Variants in AMPH observed in about 807,000 individuals in gnomAD.
The protein encoded by AMPH is amphiphysin, also known as amphiphysin (Stiff-Mann syndrome with breast cancer 128kD autoantigen).
A neutral mutation model predicts 99.1 loss-of-function variants in AMPH; 49 were observed. That is an observed-to-expected ratio of 0.49 (90% CI 0.39 to 0.63). The LOEUF is 0.63. Ranked by LOEUF, AMPH falls within the 20% of genes least tolerant of loss-of-function variation. The pLI, the probability that AMPH is intolerant of heterozygous loss-of-function variation, is 0.00. For synonymous variants in AMPH, 314 were observed against 317.3 expected, an observed-to-expected ratio of 0.99 and a Z score of 0.11; for missense variants, 759 against 863.4, an observed-to-expected ratio of 0.88 and a Z score of 1.52.
chr7:38,470,448 G>A (rs1030180310), intron 7 of AMPH, among the ~76,000 whole-genome samples: 2 of 151,932 alleles, frequency 1.3e-5, no homozygotes, highest in Non-Finnish European at 2.9e-5. Flanking sequence ...TACCTCTATT[G>A]TAAATGATAG....
intron 1 of AMPH, among the ~76,000 whole-genome samples, chr7:38,622,646 G>A (rs1794112996): frequency 6.6e-6 from 1 of 152,146 alleles, no homozygotes; most frequent in Admixed American, 6.6e-5. Flanking sequence ...AGAGTGGAAT[G>A]AAATAGATAA....
chr7:38,464,413 T>C (rs1312698966), intron 9 of AMPH, among the ~76,000 whole-genome samples: 1 of 152,196 alleles, frequency 6.6e-6, no homozygotes, highest in Non-Finnish European at 1.5e-5. Flanking sequence ...AGAGAAGATA[T>C]ACTACTGCTT....
At chr7:38,604,163 G>A (rs1384982700) in intron 1 of AMPH, among the ~76,000 whole-genome samples, 1 of 152,136 alleles carries the variant, frequency 6.6e-6, no homozygotes, top group East Asian at 1.9e-4. Context: ...GAAGATGAGT[G>A]GTCCTCATTC....
At chr7:38,455,456 G>T (rs897067411) in intron 11 of AMPH, among the ~76,000 whole-genome samples, 13 of 152,166 alleles carry the variant, frequency 8.5e-5, no homozygotes, top group Admixed American at 2.0e-4. Context: ...AAGCAAAATA[G>T]CAAGTAGATG....
chr7:38,403,756 G>C (rs761829596), intron 17 of AMPH, among the ~76,000 whole-genome samples: 1 of 152,208 alleles, frequency 6.6e-6, no homozygotes, highest in Admixed American at 6.5e-5. Context: ...AGCACCAGTG[G>C]CTGGGAAAGA....
chr7:38,621,608 A>G (rs1472227806), intron 1 of AMPH, among the ~76,000 whole-genome samples: 1 of 152,166 alleles, frequency 6.6e-6, no homozygotes, highest in African/African-American at 2.4e-5. Flanking sequence ...AAAGATAGGG[A>G]AAAATCATAT....
intron 1 of AMPH, among the ~76,000 whole-genome samples, chr7:38,593,815 T>C (rs1413608569): frequency 6.6e-6 from 1 of 151,962 alleles, no homozygotes; most frequent in African/African-American, 2.4e-5. Flanking sequence ...GTAAAACACA[T>C]AGTGCGTGAG....
At chr7:38,580,504 C>T (rs1017925827) in intron 1 of AMPH, among the ~76,000 whole-genome samples, 2 of 152,060 alleles carry the variant, frequency 1.3e-5, no homozygotes, top group Non-Finnish European at 2.9e-5. Flanking sequence ...GACGTCCTCC[C>T]ATATCAAGCC....
At chr7:38,608,776 C>T (rs1282512845) in intron 1 of AMPH, among the ~76,000 whole-genome samples, 1 of 152,170 alleles carries the variant, frequency 6.6e-6, no homozygotes, top group Non-Finnish European at 1.5e-5. Flanking sequence ...CCCACATGTG[C>T]AGTACACATC....
chr7:38,465,373 T>C (rs1294758175), intron 9 of AMPH, 94 bp downstream of exon 9: 22 of 1,097,570 alleles, frequency 2.0e-5, no homozygotes, highest in African/African-American at 4.8e-5. Flanking sequence ...TGTGGGACTT[T>C]TGTAGGATAA....
intron 1 of AMPH, among the ~76,000 whole-genome samples, chr7:38,561,228 T>C (rs1034305988): frequency 1.3e-5 from 2 of 152,240 alleles, no homozygotes; most frequent in African/African-American, 4.8e-5. Flanking sequence ...TAGGTAGGTG[T>C]TGAATAACGA....
intron 17 of AMPH, among the ~76,000 whole-genome samples, chr7:38,400,167 C>G (rs939493497): frequency 3.3e-5 from 5 of 152,190 alleles, no homozygotes; most frequent in African/African-American, 1.2e-4. Context: ...CCTCCGCCCC[C>G]CAGGTTCAAG....
intron 1 of AMPH, among the ~76,000 whole-genome samples, chr7:38,544,093 T>C (rs1265625887): frequency 6.6e-6 from 1 of 152,132 alleles, no homozygotes; most frequent in Admixed American, 6.5e-5. Context: ...GACAATTAAG[T>C]CATTTTCCTC....
chr7:38,453,868 C>T (rs1303223190), intron 11 of AMPH, among the ~76,000 whole-genome samples: 1 of 152,104 alleles, frequency 6.6e-6, no homozygotes, highest in Non-Finnish European at 1.5e-5. Context: ...ACTCCCAGTT[C>T]GAAAATTCAT....
intron 17 of AMPH, among the ~76,000 whole-genome samples, chr7:38,402,617 G>T (rs554778911): frequency 3.9e-4 from 60 of 152,306 alleles, no homozygotes; most frequent in African/African-American, 1.4e-3. Flanking sequence ...TGTGTCAAAG[G>T]ATATACTTCT....
chr7:38,484,340 T>C (rs895340725), intron 5 of AMPH, among the ~76,000 whole-genome samples: 4 of 152,096 alleles, frequency 2.6e-5, no homozygotes, highest in African/African-American at 7.2e-5. Flanking sequence ...AAGACAAATA[T>C]GGAATTTCAA....
chr7:38,563,036 T>G (rs1357161280), intron 1 of AMPH, among the ~76,000 whole-genome samples: 1 of 152,212 alleles, frequency 6.6e-6, no homozygotes, highest in African/African-American at 2.4e-5. Flanking sequence ...TGTTATGTTT[T>G]CCTATTTGAA....
chr7:38,441,241 C>T (rs141174567), intron 11 of AMPH, among the ~76,000 whole-genome samples: 42 of 151,982 alleles, frequency 2.8e-4, no homozygotes, highest in African/African-American at 9.2e-4. Context: ...ACCAAGAAAG[C>T]TGTAAAGAAA....
intron 1 of AMPH, among the ~76,000 whole-genome samples, chr7:38,611,057 TAAAC>T (rs1793665075): frequency 6.6e-6 from 1 of 152,164 alleles, no homozygotes; most frequent in South Asian, 2.1e-4. Flanking sequence ...ACAAGAGGTG[TAAAC>T]AAACCAGATG....
Sources: allele counts gnomAD v4.1 joint callset (sites outside exome capture counted in the v4.1 genomes callset), GRCh38; gene constraint gnomAD v4.1.1; transcripts MANE v1.5; gene names NCBI Gene and HGNC (gene_info 2026-07-23, HGNC 2026-07-21).